Variants in RBMS3 observed in about 807,000 individuals in gnomAD.
The protein encoded by RBMS3 is RNA-binding motif, single-stranded-interacting protein 3.
RBMS3 carries 27 observed loss-of-function variants against 66.8 expected under a neutral mutation model. That is an observed-to-expected ratio of 0.40 (90% CI 0.30 to 0.56). The LOEUF (loss-of-function observed/expected upper bound fraction) is 0.56. Among genes scored for constraint, RBMS3 ranks in the 20% least tolerant of loss-of-function variants. The pLI is 0.40. For missense variants in RBMS3, 513 were observed against 549.5 expected, an observed-to-expected ratio of 0.93 and a Z score of 0.66; for synonymous variants, 188 against 183.0, an observed-to-expected ratio of 1.03 and a Z score of -0.22.
intron 5 of RBMS3, among the ~76,000 whole-genome samples, chr3:29,750,707 T>G (rs187991859): frequency 1.5e-3 from 224 of 152,220 alleles, no homozygotes; most frequent in African/African-American, 5.1e-3. Flanking sequence ...CCTCCCACCT[T>G]CCACCTTCTG....
chr3:29,379,578 G>C (rs2038662124), intron 1 of RBMS3, among the ~76,000 whole-genome samples: 2 of 152,156 alleles, frequency 1.3e-5, no homozygotes, highest in African/African-American at 4.8e-5. Context: ...AAAACTATCA[G>C]ATGTCATGAG....
intron 3 of RBMS3, among the ~76,000 whole-genome samples, chr3:29,492,524 A>G (rs76941349): frequency 0.076 from 11,498 of 152,254 alleles, 516 homozygotes; most frequent in East Asian, 0.16. Flanking sequence ...TGACTAATCC[A>G]GAAAGTATCT....
At chr3:29,753,320 C>T (rs781236557) in intron 5 of RBMS3, among the ~76,000 whole-genome samples, 3 of 152,066 alleles carry the variant, frequency 2.0e-5, no homozygotes, top group Admixed American at 6.6e-5. Context: ...GCCACAAGAC[C>T]GGGGTATGCA....
In RBMS3 at chr3:29,760,582, A is replaced by G. The variant is rs2055634865; in HGVS notation, c.558-2328A>G. Among the ~76,000 whole-genome samples, 3 of 152,100 alleles carry G rather than the reference A, an allele frequency of 2.0e-5. No individual in the cohort carries two copies. The South Asian group carries it at 6.2e-4, about 32-fold the overall frequency. Reference sequence around the variant, plus strand: ...GAGAGAAGGTTATTTTCCCAAAGAGACAATAGTGGATCCTGTGGGAAGAGA... The same window carrying G: ...GAGAGAAGGTTATTTTCCCAAAGAGGCAATAGTGGATCCTGTGGGAAGAGA... On this transcript the variant is annotated intron_variant, in intron 5 of 14. Transcript: ENST00000383767.
At chr3:29,289,227 G>C (rs1447800140) in intron 1 of RBMS3, among the ~76,000 whole-genome samples, 1 of 151,866 alleles carries the variant, frequency 6.6e-6, no homozygotes, top group Non-Finnish European at 1.5e-5. Flanking sequence ...TGCTATGGAA[G>C]GTATGAAGTT....
At chr3:29,714,804 G>T (rs1484190763) in intron 4 of RBMS3, among the ~76,000 whole-genome samples, 1 of 151,780 alleles carries the variant, frequency 6.6e-6, no homozygotes, top group Non-Finnish European at 1.5e-5. Context: ...GCTCTGAAAA[G>T]ATAAAGACAA....
chr3:29,422,207 A>G (rs1254812880), intron 1 of RBMS3, among the ~76,000 whole-genome samples: 1 of 152,200 alleles, frequency 6.6e-6, no homozygotes, highest in Non-Finnish European at 1.5e-5. Flanking sequence ...CTATACAATG[A>G]CAATAATGTT....
At chr3:29,735,625 C>T (rs1215082912) in intron 4 of RBMS3, among the ~76,000 whole-genome samples, 1 of 152,132 alleles carries the variant, frequency 6.6e-6, no homozygotes, top group Admixed American at 6.5e-5. Flanking sequence ...TCATAGCCTT[C>T]ACTCTTTGAC....
intron 1 of RBMS3, among the ~76,000 whole-genome samples, chr3:29,308,138 G>A (rs772436457): frequency 4.0e-5 from 6 of 151,536 alleles, no homozygotes; most frequent in Non-Finnish European, 5.9e-5. Context: ...TTAAATACTT[G>A]TCAGCAGTAT....
At chr3:29,644,391 G>A (rs1442352893) in intron 4 of RBMS3, among the ~76,000 whole-genome samples, 1 of 152,136 alleles carries the variant, frequency 6.6e-6, no homozygotes, top group Non-Finnish European at 1.5e-5. Context: ...TATGCCACTA[G>A]GGGCTGCATA....
chr3:29,357,888 A>G (rs1414388887), intron 1 of RBMS3, among the ~76,000 whole-genome samples: 1 of 151,716 alleles, frequency 6.6e-6, no homozygotes, highest in Non-Finnish European at 1.5e-5. Flanking sequence ...CCACTTTTTG[A>G]TGGGGTTGTT....
intron 1 of RBMS3, among the ~76,000 whole-genome samples, chr3:29,331,933 A>G (rs6804900): frequency 0.11 from 16,668 of 148,710 alleles, 1,180 homozygotes; most frequent in Non-Finnish European, 0.17. Flanking sequence ...ACTATGTCCA[A>G]TTATAGAATT....
At chr3:29,602,690 T>C (rs1198103230) in intron 4 of RBMS3, among the ~76,000 whole-genome samples, 3 of 152,058 alleles carry the variant, frequency 2.0e-5, no homozygotes, top group Non-Finnish European at 2.9e-5. Context: ...ACTATTATCT[T>C]AGTTCAGAAT....
intron 5 of RBMS3, among the ~76,000 whole-genome samples, chr3:29,760,659 TA>T (rs5847593): frequency 2.3e-3 from 328 of 144,042 alleles, no homozygotes; most frequent in Middle Eastern, 3.5e-3. Context: ...ATTTTCTACT[TA>T]AAAAAAAAAA....
chr3:29,681,334 AT>A (rs908092785), intron 4 of RBMS3, among the ~76,000 whole-genome samples: 17 of 151,596 alleles, frequency 1.1e-4, no homozygotes, highest in African/African-American at 3.1e-4. Context: ...CTATAACTTT[AT>A]TTTTTTTTCT....
chr3:29,479,491 G>GA (rs1167037177), intron 2 of RBMS3, among the ~76,000 whole-genome samples: 2 of 151,812 alleles, frequency 1.3e-5, no homozygotes, highest in African/African-American at 2.4e-5. Context: ...TCATTGAAGA[G>GA]AAAATCTCAT....
chr3:29,636,945 T>C (rs9870316), intron 4 of RBMS3, among the ~76,000 whole-genome samples: 11,983 of 151,876 alleles, frequency 0.079, 835 homozygotes, highest in East Asian at 0.36. Flanking sequence ...TCATCTCAAC[T>C]AAGCATCAGG....
chr3:29,655,329 AT>A lies in RBMS3; in HGVS notation c.399+68127del, dbSNP rs577909716. Among the ~76,000 whole-genome samples, 9 of 152,278 alleles carry A rather than the reference AT, an allele frequency of 5.9e-5. No individual in the cohort carries two copies. The South Asian group carries it at 1.9e-3, about 32-fold the overall frequency. On this transcript the variant is annotated intron_variant, in intron 4 of 14. Coordinates refer to ENST00000383767, the MANE Select transcript of RBMS3 (RefSeq NM_001003793.3). ...AACTAGGGAGGAAGAAGCTGAAAATATTTCTTCATGACTATTTCCTCTGGTG... is the reference window on the plus strand; with the variant it reads ...AACTAGGGAGGAAGAAGCTGAAAATATTCTTCATGACTATTTCCTCTGGTG...
At chr3:29,495,503 C>T (rs13320311) in intron 3 of RBMS3, among the ~76,000 whole-genome samples, 7,623 of 150,316 alleles carry the variant, frequency 0.051, 282 homozygotes, top group Admixed American at 0.1. Flanking sequence ...TCACTGTAAC[C>T]TCCACCTCCA....
Sources: gnomAD v4.1 joint callset for allele counts (sites outside exome capture counted in the v4.1 genomes callset) on GRCh38, gnomAD v4.1.1 for gene constraint, MANE v1.5 for transcripts, NCBI Gene and HGNC (gene_info 2026-07-23, HGNC 2026-07-21) for gene names.